The following COL12A1 variants were observed in gnomAD, a reference collection of about 807,000 sequenced individuals.
The protein encoded by COL12A1 is collagen alpha-1(XII) chain.
Under a neutral mutation model 349.7 loss-of-function variants are expected in COL12A1, and 114 were observed. That is an observed-to-expected ratio of 0.33 (90% confidence interval 0.28 to 0.38). The LOEUF (loss-of-function observed/expected upper bound fraction) is 0.38, where lower values mean the gene tolerates loss of function less well. COL12A1 is among the 10% of genes least tolerant of loss of function. The pLI is 1.00. For missense variants in COL12A1, 3,284 were observed against 3,756.9 expected, an observed-to-expected ratio of 0.87 and a Z score of 3.29; for synonymous variants, 1,369 against 1,329.0, an observed-to-expected ratio of 1.03 and a Z score of -0.66.
intron 12 of COL12A1, among the ~76,000 whole-genome samples, chr6:75,176,107 A>G (rs970860219): frequency 5.9e-5 from 9 of 152,358 alleles, no homozygotes; most frequent in Admixed American, 3.3e-4. Context: ...GTCACACTTC[A>G]CCAATGGAAG....
At chr6:75,195,088 G>A in intron 2 of COL12A1, 141 bp from the exon 3 acceptor site, 1 of 530,044 alleles carries the variant, frequency 1.9e-6, no homozygotes, top group Non-Finnish European at 3.3e-6. Flanking sequence ...AAGATATGTT[G>A]TTGGATAAGA....
chr6:75,176,241 G>A (rs991968081), intron 12 of COL12A1, among the ~76,000 whole-genome samples: 5 of 151,878 alleles, frequency 3.3e-5, no homozygotes, highest in Non-Finnish European at 7.4e-5. Flanking sequence ...CAGTGGGAGG[G>A]AGGGCAATGG....
intron 13 of COL12A1, among the ~76,000 whole-genome samples, chr6:75,170,934 C>A (rs768202848): frequency 3.5e-4 from 53 of 152,246 alleles, no homozygotes; most frequent in Non-Finnish European, 6.3e-4. Context: ...GCTATAGCAA[C>A]TGAAACAAAG....
At chr6:75,142,586 T>C (rs2149401796) in intron 26 of COL12A1, among the ~76,000 whole-genome samples, 1 of 152,336 alleles carries the variant, frequency 6.6e-6, no homozygotes, top group African/African-American at 2.4e-5. Context: ...TGCACATGTA[T>C]AAAGTAGCTT....
rs1009734802 is a variant in COL12A1, at chr6:75,123,438, C to A, written c.6872-34G>T. On this transcript the variant is annotated intron_variant, in intron 42 of 65. Transcript: ENST00000322507. The stretch of plus-strand genomic sequence containing the variant: ...TAAAAATAATAATTATAAAAACACA[C>A]CATGTGCACATTTGATATCCCAGAA... The A allele has an allele frequency of 4.1e-6, 6 of 1,475,110 alleles. No individual in the cohort carries two copies. The Admixed American group carries it at 6.3e-5, about 16-fold the overall frequency. 91.4% of individuals were successfully genotyped at this position (1,475,110 alleles called of 1,614,324 possible). A position where few individuals can be genotyped will look rare whatever the true frequency, so the allele number is the denominator to read the frequency against.
chr6:75,109,878 A>G (rs182974763), intron 51 of COL12A1, among the ~76,000 whole-genome samples: 2 of 152,252 alleles, frequency 1.3e-5, no homozygotes, highest in East Asian at 3.9e-4. Context: ...AGTTATGCTC[A>G]GAGTTTCTAC....
chr6:75,156,022 GT>G (rs1767742102), intron 15 of COL12A1, among the ~76,000 whole-genome samples, 168 bp from the exon 16 acceptor site: 1 of 152,164 alleles, frequency 6.6e-6, no homozygotes, highest in Non-Finnish European at 1.5e-5. Context: ...CTAAGTAGAA[GT>G]GTAAATAATT....
intron 37 of COL12A1, 110 bp from the exon 38 acceptor site, chr6:75,128,535 T>C: frequency 1.1e-6 from 1 of 942,616 alleles, no homozygotes; most frequent in Non-Finnish European, 1.4e-6. Flanking sequence ...TTTTTTCACA[T>C]TTTATTTTTG....
chr6:75,142,136 C>A lies in COL12A1; in HGVS notation c.4853G>T (p.Ser1618Ile), dbSNP rs765702033. 1.9e-6 allele frequency: 3 copies of A among 1,614,136 alleles called. No individual in the cohort carries two copies. The highest frequency in any genetic ancestry group is 2.5e-6 in the Non-Finnish European group (3 of 1,179,994). Residue 1618 changes from serine (S) to isoleucine (I), a missense_variant, in exon 27 of 66, where the codon AGC (serine) becomes ATC (isoleucine). Physicochemically the swap from Ser to Ile is moderately radical, Grantham distance 142. This residue lies in a region of COL12A1 where 2,601 missense variants were observed against 2,824.8 expected (regional missense o/e 0.92). Coordinates refer to ENST00000322507, the MANE Select transcript of COL12A1 (RefSeq NM_004370.6). ...TGAGAAGAGGTCTTTGAGGGAAGTG[C>A]TGGTCTCTGATCTGTCCACCTCTAC... is the stretch of plus-strand genomic sequence containing the variant. ...KEVEVDRSET[S>I]TSLKDLFSQT...
At chr6:75,202,171 C>T (rs1345225098) in intron 2 of COL12A1, among the ~76,000 whole-genome samples, 1 of 152,252 alleles carries the variant, frequency 6.6e-6, no homozygotes, top group Non-Finnish European at 1.5e-5. Flanking sequence ...CCCCAGGCTG[C>T]TTGGCTGCTG....
chr6:75,174,784 A>G lies in COL12A1; in HGVS notation c.2710+254T>C, dbSNP rs527792619. Among the ~76,000 whole-genome samples the G allele has an allele frequency of 3.9e-5, 6 of 152,304 alleles. No individual in the cohort carries two copies. In the South Asian group the frequency reaches 1.0e-3, roughly 26 times the overall value. ...CCTTTCAACCAACCCATGGAACTAT[A>G]AACACATCTCTTTGGTCTTATTATG... On this transcript the variant is annotated intron_variant, in intron 13 of 65. Coordinates refer to ENST00000322507, the MANE Select transcript of COL12A1 (RefSeq NM_004370.6).
At chr6:75,141,874 C>T (rs185043359) in intron 27 of COL12A1, among the ~76,000 whole-genome samples, 158 bp downstream of exon 27, 115 of 152,192 alleles carry the variant, frequency 7.6e-4, no homozygotes, top group Non-Finnish European at 1.1e-3. Flanking sequence ...GATGGGACAC[C>T]TTGTTACAAA....
At chr6:75,095,664 TA>T (rs1767987504) in intron 59 of COL12A1, among the ~76,000 whole-genome samples, 2 of 138,640 alleles carry the variant, frequency 1.4e-5, no homozygotes, top group Middle Eastern at 3.6e-3. Flanking sequence ...TAACATGAAA[TA>T]AAAAACTCTT....
chr6:75,169,595 TTGTTTAGGGTTTTTTTTGAATAA>T (rs1289740858), intron 13 of COL12A1, among the ~76,000 whole-genome samples: 4 of 152,130 alleles, frequency 2.6e-5, no homozygotes, highest in Non-Finnish European at 5.9e-5. Context: ...GTGCTGGGGT[TTGTTTAGGGTTTTTTTTGAATAA>T]TGTTTAGTCT....
intron 1 of COL12A1, among the ~76,000 whole-genome samples, chr6:75,203,842 C>G (rs529430256): frequency 2.6e-5 from 4 of 152,278 alleles, no homozygotes; most frequent in African/African-American, 9.6e-5. Flanking sequence ...AGAGTTGACT[C>G]TGAAGTACAT....
rs946652381 is a variant in COL12A1, at chr6:75,175,163, C to T, written c.2585G>A (p.Arg862Lys). The T allele has an allele frequency of 6.2e-7, 1 of 1,614,058 alleles. No homozygotes were observed. The highest frequency in any genetic ancestry group is 1.3e-5 in the African/African-American group (1 of 74,926). Reference protein sequence around the residue: ...AGGETQEVTVRGDTTNTVLQG... With the variant: ...AGGETQEVTVKGDTTNTVLQG... ...CAGCACCGTATTGGTTGTATCTCCC[C>T]TCACAGTGACCTCTTGAGTTTCACC... Residue 862 changes from arginine to lysine, a missense_variant, in exon 13 of 66, where the codon AGG (arginine) becomes AAG (lysine). Around this residue, in one of 2 missense-constraint regions of COL12A1, gnomAD observed 2,601 missense variants for 2,824.8 expected, o/e 0.92. Coordinates refer to ENST00000322507, the MANE Select transcript of COL12A1 (RefSeq NM_004370.6).
At chr6:75,112,665 T>A (rs1768894895) in intron 51 of COL12A1, among the ~76,000 whole-genome samples, 1 of 151,754 alleles carries the variant, frequency 6.6e-6, no homozygotes, top group African/African-American at 2.4e-5. Context: ...CACATAAAAA[T>A]TAATCTCATA....
In COL12A1 at chr6:75,131,935, C is replaced by T. The variant is rs1766317679; in HGVS notation, c.5937+5G>A. On this transcript the variant is annotated splice_donor_5th_base_variant and intron_variant, in intron 35 of 65. Transcript: ENST00000322507. ...AAATGCAGTTTCCATGACAAAATTA[C>T]TTACAGATTCTGAGGGTCTTGTGCC... 2 of 1,613,082 alleles carry T rather than the reference C, an allele frequency of 1.2e-6. No individual in the cohort carries two copies. The highest frequency in any genetic ancestry group is 1.1e-5 in the South Asian group (1 of 90,854).
intron 14 of COL12A1, among the ~76,000 whole-genome samples, chr6:75,160,847 G>T (rs916012625): frequency 1.3e-5 from 2 of 152,150 alleles, no homozygotes; most frequent in Non-Finnish European, 2.9e-5. Flanking sequence ...CAAGAGTTAA[G>T]TTCCTACATC....
Sources: gnomAD v4.1 joint callset for allele counts (sites outside exome capture counted in the v4.1 genomes callset) on GRCh38, gnomAD v4.1.1 for gene constraint, gnomAD v4.1.1 regional missense constraint, MANE v1.5 for transcripts, NCBI Gene and HGNC (gene_info 2026-07-23, HGNC 2026-07-21) for gene names.